EPB41L3: variants seen among roughly 807,000 people sequenced by gnomAD.
EPB41L3 encodes erythrocyte membrane protein band 4.1 like 3.
EPB41L3 carries 57 observed loss-of-function variants against 127.1 expected under a neutral mutation model. The observed-to-expected ratio is 0.45, with a 90% confidence interval of 0.36 to 0.56. The LOEUF (loss-of-function observed/expected upper bound fraction) is 0.56, where lower values mean the gene tolerates loss of function less well. Among genes scored for constraint, EPB41L3 ranks in the 20% least tolerant of loss-of-function variants. The pLI, the probability that EPB41L3 is intolerant of heterozygous loss-of-function variation, is 0.00. For missense variants in EPB41L3, 1,273 were observed against 1,372.2 expected (o/e 0.93, Z 1.14); for synonymous variants, 572 against 549.5 (o/e 1.04, Z -0.57).
rs532834103 is a variant in EPB41L3, at chr18:5,415,837, C to T, written c.2048G>A (p.Ser683Asn). Reference sequence around the variant, plus strand: ...ACACACCTCTTCCTCTGAACTGTCACTCGGGTCATTGTCTAGGGAGGCGCT... The same window carrying T: ...ACACACCTCTTCCTCTGAACTGTCATTCGGGTCATTGTCTAGGGAGGCGCT... ...SLSASLDNDP[S>N]DSSEEETDSE... Residue 683 changes from serine (S) to asparagine (N), a missense_variant, in exon 13 of 23, where the codon AGT (serine) becomes AAT (asparagine). Transcript: ENST00000341928. 1 of 1,612,806 alleles carries T rather than the reference C, an allele frequency of 6.2e-7. No individual in the cohort carries two copies. The highest frequency in any genetic ancestry group is 1.7e-5 in the Admixed American group (1 of 60,008).
At chr18:5,544,559 T>C (rs1598878805), upstream of EPB41L3, among the ~76,000 whole-genome samples, 1 of 152,294 alleles carries the variant, frequency 6.6e-6, no homozygotes, top group East Asian at 1.9e-4. Flanking sequence ...TCTATAAAGC[T>C]TTCCACCGAA....
chr18:5,602,657 G>A (rs1284661069), intron 3 of EPB41L3, among the ~76,000 whole-genome samples: 1 of 152,118 alleles, frequency 6.6e-6, no homozygotes, highest in Non-Finnish European at 1.5e-5. Context: ...TGTTGCCTAG[G>A]CAGGTCTTGA....
intron 1 of EPB41L3, among the ~76,000 whole-genome samples, chr18:5,504,917 C>T (rs1049539760): frequency 2.6e-5 from 4 of 152,094 alleles, no homozygotes; most frequent in Non-Finnish European, 4.4e-5. Context: ...TGCCCTTGAA[C>T]GTGCTGTGCT....
intron 3 of EPB41L3, among the ~76,000 whole-genome samples, chr18:5,447,253 T>C (rs1482056237): frequency 6.6e-6 from 1 of 152,168 alleles, no homozygotes; most frequent in East Asian, 1.9e-4. Flanking sequence ...AAGCATTCCA[T>C]AGATGTCAGC....
rs986859215 is a variant in EPB41L3 at position 5,419,711 on chromosome 18, C to T, written c.1506G>A (p.Lys502=). 1.9e-6 allele frequency: 3 copies of T among 1,613,750 alleles called. No individual in the cohort carries two copies. Among genetic ancestry groups the T allele is most frequent in the Non-Finnish European group, 2.5e-6 (3 of 1,179,974 alleles). Reference sequence around the variant, plus strand: ...CTTGCAGGCAGTCTGGGAGCTATACCTTTCCCTCGTGCCGGATGGCCGAGA... The same window carrying T: ...CTTGCAGGCAGTCTGGGAGCTATACTTTTCCCTCGTGCCGGATGGCCGAGA... ...TPISAIRHEG[K]SPGLGTDSCP... The change falls in exon 12 of 23, where the codon AAG becomes AAA. Residue 502 remains lysine (K), a splice_region_variant and synonymous_variant. Coordinates refer to ENST00000341928, the MANE Select transcript of EPB41L3 (RefSeq NM_012307.5).
At chr18:5,579,348 A>C (rs1265685758) in intron 3 of EPB41L3, among the ~76,000 whole-genome samples, 1 of 152,240 alleles carries the variant, frequency 6.6e-6, no homozygotes, top group African/African-American at 2.4e-5. Flanking sequence ...TCGAAATCCT[A>C]GCTGTTGTTT....
chr18:5,408,540 G>A (rs534611052), intron 14 of EPB41L3, among the ~76,000 whole-genome samples: 6 of 152,052 alleles, frequency 3.9e-5, no homozygotes. Flanking sequence ...CTCCCAAAGT[G>A]CTGGGATTAC....
intron 3 of EPB41L3, among the ~76,000 whole-genome samples, chr18:5,592,621 C>T (rs1419617393): frequency 1.3e-5 from 2 of 152,216 alleles, no homozygotes; most frequent in Non-Finnish European, 2.9e-5. Flanking sequence ...CAGCTACTTA[C>T]ACCATGTGAG....
At chr18:5,460,244 CAT>C (rs1213771960) in intron 3 of EPB41L3, among the ~76,000 whole-genome samples, 6 of 152,194 alleles carry the variant, frequency 3.9e-5, no homozygotes, top group African/African-American at 7.2e-5. Flanking sequence ...GGCTGCTACA[CAT>C]GAGTGGCCTC....
chr18:5,407,694 T>C lies in EPB41L3; in HGVS notation c.2157+7A>G. The C allele has an allele frequency of 6.2e-7, 1 of 1,613,882 alleles. No homozygotes were observed. The highest frequency in any genetic ancestry group is 1.1e-5 in the South Asian group (1 of 91,066). ...TGTTGTTGTTTGTTTTATTTTTAAT[T>C]TTCTACCTGTGCCTTGAGCTCTGCA... is the stretch of plus-strand genomic sequence containing the variant. On this transcript the variant is annotated splice_region_variant and intron_variant, in intron 15 of 22. Transcript: ENST00000341928.
Position 5,601,015 on chromosome 18 carries a change from C to T in EPB41L3, c.-306+11325G>A, listed in dbSNP as rs1345456450. 2.0e-5 allele frequency among the ~76,000 whole-genome samples: 3 copies of T among 152,094 alleles called. No homozygotes were observed. In the South Asian group the frequency reaches 6.2e-4, roughly 32 times the overall value. The stretch of plus-strand genomic sequence containing the variant: ...TTAGAGATACATTGTTGTCAAACAA[C>T]AACAACAGCTCTTAAAAAACACCAG... On this transcript the variant is annotated intron_variant, in intron 3 of 21. Coordinates refer to the EPB41L3 transcript ENST00000545076.
chr18:5,547,551 C>T (rs565121530), upstream of EPB41L3, among the ~76,000 whole-genome samples: 13 of 152,208 alleles, frequency 8.5e-5, no homozygotes, highest in South Asian at 8.3e-4. Flanking sequence ...GCTTTCTCTA[C>T]GCTAATCTTA....
intron 1 of EPB41L3, among the ~76,000 whole-genome samples, chr18:5,627,592 T>G (rs2094936016): frequency 6.6e-6 from 1 of 152,322 alleles, no homozygotes; most frequent in Middle Eastern, 3.4e-3. Context: ...ATATATAGTT[T>G]AATATTCTGA....
chr18:5,501,603 T>C (rs1406214425), intron 1 of EPB41L3, among the ~76,000 whole-genome samples: 1 of 152,188 alleles, frequency 6.6e-6, no homozygotes, highest in African/African-American at 2.4e-5. Context: ...ATTGACTTTG[T>C]TGCCCCACAA....
At chr18:5,583,701 G>A (rs1295532988) in intron 3 of EPB41L3, among the ~76,000 whole-genome samples, 1 of 152,088 alleles carries the variant, frequency 6.6e-6, no homozygotes, top group East Asian at 1.9e-4. Context: ...TTAAATTGAT[G>A]GGGTAATCAT....
chr18:5,499,877 C>T (rs9961059), intron 1 of EPB41L3, among the ~76,000 whole-genome samples: 21,389 of 138,646 alleles, frequency 0.15, 2,155 homozygotes, highest in African/African-American at 0.24. Context: ...TCTTCCTTTG[C>T]TGAAAAAGTT....
intron 1 of EPB41L3, among the ~76,000 whole-genome samples, chr18:5,526,992 A>G (rs2093244601): frequency 6.7e-6 from 1 of 150,202 alleles, no homozygotes; most frequent in South Asian, 2.1e-4. Flanking sequence ...ATTACAAGAC[A>G]ATAGAATATT....
rs78775633 is a variant in EPB41L3, at chr18:5,489,608, T to A, written c.-11-414A>T. The stretch of plus-strand genomic sequence containing the variant: ...ACGGAAGCAGACATTCTTTCTCATT[T>A]CCCTCCCCCTTCCTATCTCTATACA... On this transcript the variant is annotated intron_variant, in intron 1 of 22. Coordinates refer to ENST00000341928, the MANE Select transcript of EPB41L3 (RefSeq NM_012307.5). 8.5e-3 allele frequency among the ~76,000 whole-genome samples: 1,287 copies of A among 152,244 alleles called. 17 individuals are homozygous for A. The highest frequency in any genetic ancestry group is 0.028 in the African/African-American group (1,154 of 41,536).
intron 3 of EPB41L3, among the ~76,000 whole-genome samples, chr18:5,572,567 G>T (rs2094294018): frequency 6.6e-6 from 1 of 152,042 alleles, no homozygotes. Flanking sequence ...TGTTTTTGTT[G>T]TTTTGGTTTT....
Sources: allele counts gnomAD v4.1 joint callset (sites outside exome capture counted in the v4.1 genomes callset), GRCh38; gene constraint gnomAD v4.1.1; transcripts MANE v1.5; gene names NCBI Gene and HGNC (gene_info 2026-07-23, HGNC 2026-07-21).